The following VWA5B2 variants were observed in gnomAD, a reference collection of about 807,000 sequenced individuals.
The protein encoded by VWA5B2 is von Willebrand factor A domain containing 5B2, also known as von Willebrand factor A domain-containing protein 5B2.
VWA5B2 carries 93 observed loss-of-function variants against 118.5 expected under a neutral mutation model. The ratio of observed to expected loss-of-function variants is 0.79; its 90% CI spans 0.66 to 0.93. The LOEUF is 0.93. VWA5B2 is among the 40% of genes least tolerant of loss of function. VWA5B2 has a pLI of 0.00. For synonymous variants in VWA5B2, 708 were observed against 716.3 expected (o/e 0.99, Z 0.19); for missense variants, 1,546 against 1,672.8 (o/e 0.92, Z 1.32).
At position 184,241,529 on chromosome 3, in the gene VWA5B2, G is replaced by A. The variant is rs1718659323; in HGVS notation, c.3220G>A (p.Ala1074Thr). ...QEAPGSFRLD[A>T]PFCAAVRISQ... ...GGCACCAGGCTCCTTCCGCCTGGAC[G>A]CGCCCTTCTGCGCCGCTGTGCGCAT... The change falls in exon 20 of 20, where the codon GCG (alanine) becomes ACG (threonine). Residue 1074 changes from alanine (A) to threonine (T), a missense_variant. Physicochemically the swap from Ala to Thr is moderately conservative, Grantham distance 58. Transcript: ENST00000691901. This position sits in a 1 kb window ranked among gnomAD's most constrained non-coding sequence, Gnocchi z 5.1. 9 of 1,549,604 alleles carry A rather than the reference G, an allele frequency of 5.8e-6. No individual in the cohort carries two copies. Among genetic ancestry groups the A allele is most frequent in the South Asian group, 4.8e-5 (4 of 83,990 alleles).
At position 184,239,316 on chromosome 3, in the gene VWA5B2, T is replaced by C. The variant is rs1455212519; in HGVS notation, c.2203-78T>C. 11 of 1,399,496 alleles carry C rather than the reference T, an allele frequency of 7.9e-6. No homozygotes were observed. In the East Asian group the frequency reaches 2.4e-4, roughly 30 times the overall value. 86.7% of individuals were successfully genotyped at this position (1,399,496 alleles called of 1,614,324 possible). A position where few individuals can be genotyped will look rare whatever the true frequency, so the allele number is the denominator to read the frequency against. On this transcript the variant is annotated intron_variant, in intron 14 of 19. Coordinates refer to ENST00000691901, the MANE Select transcript of VWA5B2 (RefSeq NM_001390846.1). This position sits in a 1 kb window ranked among gnomAD's most constrained non-coding sequence, Gnocchi z 5.1. ...CACCCAGGGTTTCAGAAAAGGGGCA[T>C]GGGCCAGCTGTGCACCCATGTATGA...
In VWA5B2 at chr3:184,238,606, C is replaced by A. The variant is rs1718244027; in HGVS notation, c.1935C>A (p.Asn645Lys). 1 of 1,551,666 alleles carries A rather than the reference C, an allele frequency of 6.4e-7. No homozygotes were observed. The highest frequency in any genetic ancestry group is 8.7e-7 in the Non-Finnish European group (1 of 1,146,854). Residue 645 changes from asparagine to lysine, a missense_variant, in exon 14 of 20, where the codon AAC becomes AAA. Asn to Lys is a moderately conservative substitution (Grantham distance 94). Coordinates refer to ENST00000691901, the MANE Select transcript of VWA5B2 (RefSeq NM_001390846.1). This position sits in a 1 kb window ranked among gnomAD's most constrained non-coding sequence, Gnocchi z 5.0. Reference protein sequence around the residue: ...LTDPVTDPGPNPSDTAIWRRI... With the variant: ...LTDPVTDPGPKPSDTAIWRRI... The stretch of plus-strand genomic sequence containing the variant: ...ACCCAGTCACGGATCCTGGACCCAA[C>A]CCCTCTGACACAGCCATATGGCGCC...
intron 1 of VWA5B2, among the ~76,000 whole-genome samples, 53 bp downstream of exon 1, chr3:184,229,766 G>A (rs1394696784): frequency 6.6e-6 from 1 of 152,128 alleles, no homozygotes; most frequent in East Asian, 1.9e-4. Flanking sequence ...CCAGCCCGCG[G>A]CATCCCCTGC....
chr3:184,230,980 C>T, intron 3 of VWA5B2, 63 bp downstream of exon 3: 1 of 1,204,174 alleles, frequency 8.3e-7, no homozygotes, highest in Non-Finnish European at 1.0e-6. Context: ...CTCCCGCATC[C>T]GCTCGGCCTC....
At position 184,233,229 on chromosome 3, in the gene VWA5B2, C is replaced by T. The variant is rs903420286; in HGVS notation, c.362C>T (p.Thr121Ile). The T allele has an allele frequency of 6.4e-7, 1 of 1,550,874 alleles. No homozygotes were observed. The highest frequency in any genetic ancestry group is 2.4e-5 in the East Asian group (1 of 40,898). The change falls in exon 4 of 20, where the codon ACA becomes ATA. Residue 121 changes from threonine (T) to isoleucine (I), a missense_variant. Around this residue, in one of 3 missense-constraint regions of VWA5B2, gnomAD observed 775 missense variants for 882.3 expected, o/e 0.88. Transcript: ENST00000691901. This position sits in a 1 kb window ranked among gnomAD's most constrained non-coding sequence, Gnocchi z 5.2. ...GCCCGGTCCACGTTGGTGCTGCCCACAGGCATTATCGCCGCGGCTGGCACC... is the reference window on the plus strand; with the variant it reads ...GCCCGGTCCACGTTGGTGCTGCCCATAGGCATTATCGCCGCGGCTGGCACC... ...AQARSTLVLP[T>I]GIIAAAGTMT...
In VWA5B2 at chr3:184,241,275, G is replaced by A. The variant is rs781533352; in HGVS notation, c.3051G>A (p.Thr1017=). 22 of 1,551,252 alleles carry A rather than the reference G, an allele frequency of 1.4e-5. 2 individuals carry two copies. In the South Asian group the frequency reaches 2.4e-4, roughly 17 times the overall value. The part of the protein sequence containing the change: ...KRALGDPATP[T]EGPRRPPPRP... ...CTTTGGGGGACCCTGCCACTCCCAC[G>A]GAAGGTCCTCGCCGCCCACCTCCCC... The change falls in exon 19 of 20, where the codon ACG becomes ACA. Residue 1017 remains threonine, a synonymous_variant. Transcript: ENST00000691901. This position sits in a 1 kb window ranked among gnomAD's most constrained non-coding sequence, Gnocchi z 5.1.
At chr3:184,234,543 C>T (rs865856952) in intron 6 of VWA5B2, 88 bp from the exon 7 acceptor site, 11 of 1,521,558 alleles carry the variant, frequency 7.2e-6, no homozygotes, top group Admixed American at 2.0e-5. Context: ...GAAGGCTGGA[C>T]CTGCAGGCTC....
In VWA5B2 at chr3:184,242,241, T is replaced by TC; in HGVS notation, c.*207dup. On this transcript the variant is annotated 3_prime_UTR_variant, in exon 20 of 20. Transcript: ENST00000691901. The stretch of plus-strand genomic sequence containing the variant: ...CCCTCTCCTCCCACCCCACTCACAC[T>TC]CCCCTCCATCCTCTGAGCTCCCTGC... 1 of 739,960 alleles carries TC rather than the reference T, an allele frequency of 1.4e-6. No homozygotes were observed. The highest frequency in any genetic ancestry group is 2.2e-6 in the Non-Finnish European group (1 of 447,148). 45.8% of individuals were successfully genotyped at this position (739,960 alleles called of 1,614,324 possible).
Position 184,234,708 on chromosome 3 carries a change from C to A in VWA5B2, c.898C>A (p.Arg300=). The A allele has an allele frequency of 6.4e-7, 1 of 1,551,472 alleles. No homozygotes were observed. Residue 300 remains arginine (R), a synonymous_variant, in exon 7 of 20, where the codon CGA becomes AGA. Coordinates refer to ENST00000691901, the MANE Select transcript of VWA5B2 (RefSeq NM_001390846.1). ...ATATGAGGCCCGGGTGAGGGCCCGC[C>A]GAGATTTTCAGAGGCTACAGCGAAG... ...AEYEARVRAR[R]DFQRLQRRDS... is the part of the protein sequence containing the mutation.
Position 184,237,204 on chromosome 3 carries a change from T to C in VWA5B2, c.1534-22T>C, listed in dbSNP as rs1477924807. On this transcript the variant is annotated intron_variant, in intron 11 of 19. Coordinates refer to ENST00000691901, the MANE Select transcript of VWA5B2 (RefSeq NM_001390846.1). The surrounding 1 kb of genome is among the most constrained non-coding windows in gnomAD (Gnocchi z 5.6). ...TGACACCTCTTTCCTTCCCATGTCT[T>C]CCCTGTGGCCACTCCCCACAGCTGG... 7.8e-6 allele frequency: 12 copies of C among 1,547,058 alleles called. No individual in the cohort carries two copies. The highest frequency in any genetic ancestry group is 9.6e-6 in the Non-Finnish European group (11 of 1,143,690).
Position 184,238,121 on chromosome 3 carries a change from C to T in VWA5B2, c.1720-182C>T, listed in dbSNP as rs1718192646. ...GGAGCTCAGGGCCAAACTTAAAGCT[C>T]AGCTTCCCAGCAGCTCTATTAACCC... is the stretch of plus-strand genomic sequence containing the variant. On this transcript the variant is annotated intron_variant, in intron 12 of 19. Transcript: ENST00000691901. This position sits in a 1 kb window ranked among gnomAD's most constrained non-coding sequence, Gnocchi z 5.0. Among the ~76,000 whole-genome samples, 1 of 151,868 alleles carries T rather than the reference C, an allele frequency of 6.6e-6. No individual in the cohort carries two copies.
intron 3 of VWA5B2, among the ~76,000 whole-genome samples, chr3:184,231,646 A>G (rs1317026153): frequency 1.3e-5 from 2 of 152,182 alleles, no homozygotes; most frequent in African/African-American, 4.8e-5. Context: ...TCCAAATCCC[A>G]GCACCTCACA....
chr3:184,230,874 G>A lies in VWA5B2; in HGVS notation c.267G>A (p.Leu89=), dbSNP rs1486070808. ...RRSQAACCRA[L]GPGLGTPTPR... Reference sequence around the variant, plus strand: ...CGCAGGCCGCCTGCTGCCGCGCTCTGGGCCCGGGGCTGGGGACCCCGACGC... The same window carrying A: ...CGCAGGCCGCCTGCTGCCGCGCTCTAGGCCCGGGGCTGGGGACCCCGACGC... Residue 89 remains leucine, a synonymous_variant, in exon 3 of 20, where the codon CTG becomes CTA. Coordinates refer to ENST00000691901, the MANE Select transcript of VWA5B2 (RefSeq NM_001390846.1). The A allele has an allele frequency of 3.2e-6, 4 of 1,236,622 alleles. No homozygotes were observed. The African/African-American group carries it at 6.3e-5, about 19-fold the overall frequency. The allele number at this position is 1,236,622 out of a possible 1,614,324, so 76.6% of individuals were successfully genotyped here.
rs1168009707 is a variant in VWA5B2 at position 184,236,725 on chromosome 3, G to A, written c.1509G>A (p.Arg503=). The A allele has an allele frequency of 1.9e-6, 3 of 1,544,328 alleles. No homozygotes were observed. The highest frequency in any genetic ancestry group is 2.7e-5 in the African/African-American group (2 of 72,892). ...GCAGAGGCCAGGCCTACTTCCTGAG[G>A]CCTGGGCAGAGGCTGCAGCCCATGG... is the stretch of plus-strand genomic sequence containing the variant. ...ALSRGQAYFL[R]PGQRLQPMLV... The change falls in exon 11 of 20, where the codon AGG becomes AGA. Residue 503 remains arginine (R), a synonymous_variant. Coordinates refer to ENST00000691901, the MANE Select transcript of VWA5B2 (RefSeq NM_001390846.1).
rs1305073678 is a variant in VWA5B2, at chr3:184,238,726, G to C, written c.2055G>C (p.Glu685Asp). The change falls in exon 14 of 20, where the codon GAG becomes GAC. Residue 685 changes from glutamate (E) to aspartate (D), a missense_variant. By Grantham distance (45) the Glu-to-Asp change is conservative (BLOSUM62 2). Transcript: ENST00000691901. This position sits in a 1 kb window ranked among gnomAD's most constrained non-coding sequence, Gnocchi z 5.0. ...GCCCAGGCTCCACAGGCAGCAGTGA[G>C]TCCCCAGGCTCACAGGGCCCTGGCT... Reference protein sequence around the residue: ...EPGPGSTGSSESPGSQGPGSP... With the variant: ...EPGPGSTGSSDSPGSQGPGSP... 2 of 1,550,968 alleles carry C rather than the reference G, an allele frequency of 1.3e-6. No homozygotes were observed. The highest frequency in any genetic ancestry group is 1.7e-6 in the Non-Finnish European group (2 of 1,146,996).
chr3:184,241,312 C>T lies in VWA5B2; in HGVS notation c.3088C>T (p.Arg1030Trp). 1.3e-6 allele frequency: 2 copies of T among 1,551,316 alleles called. No individual in the cohort carries two copies. The highest frequency in any genetic ancestry group is 1.7e-6 in the Non-Finnish European group (2 of 1,147,002). ...PRRPPPRPPCRLSMGRRHKLC... is the reference protein window; with the variant it reads ...PRRPPPRPPCWLSMGRRHKLC... ...CCGCCCACCTCCCCGTCCTCCCTGT[C>T]GGCTCAGCATGGGCCGCCGTCACAA... The change falls in exon 19 of 20, where the codon CGG becomes TGG. Residue 1030 changes from arginine to tryptophan, a missense_variant. Arg to Trp is a moderately radical substitution (Grantham distance 101). Transcript: ENST00000691901. The surrounding 1 kb of genome is among the most constrained non-coding windows in gnomAD (Gnocchi z 5.1).
At position 184,236,565 on chromosome 3, in the gene VWA5B2, A is replaced by G; in HGVS notation, c.1421+14A>G. The G allele has an allele frequency of 2.6e-6, 4 of 1,550,768 alleles. No homozygotes were observed. The highest frequency in any genetic ancestry group is 2.0e-5 in the Admixed American group (1 of 50,962). ...GGGGACAGCCAGGTATGGGATGGGCAGAACCAGATGCGTAAGACTGAGCCC... is the reference window on the plus strand; with the variant it reads ...GGGGACAGCCAGGTATGGGATGGGCGGAACCAGATGCGTAAGACTGAGCCC... On this transcript the variant is annotated intron_variant, in intron 10 of 19. Transcript: ENST00000691901.
chr3:184,234,445 T>C (rs1717744725), intron 6 of VWA5B2, 48 bp downstream of exon 6: 1 of 1,546,622 alleles, frequency 6.5e-7, no homozygotes, highest in Non-Finnish European at 8.7e-7. Context: ...TGCTTCTACA[T>C]GAATGGGGGA....
intron 3 of VWA5B2, among the ~76,000 whole-genome samples, chr3:184,231,283 C>A (rs567200950): frequency 6.6e-6 from 1 of 152,312 alleles, no homozygotes; most frequent in African/African-American, 2.4e-5. Context: ...TCCGGCCCCG[C>A]GTGGGCCAGT....
Sources: allele counts gnomAD v4.1 joint callset (sites outside exome capture counted in the v4.1 genomes callset), GRCh38; gene constraint gnomAD v4.1.1; regional missense constraint gnomAD v4.1.1; non-coding constraint Gnocchi (gnomAD v3.1); transcripts MANE v1.5; gene names NCBI Gene and HGNC (gene_info 2026-07-23, HGNC 2026-07-21).